AFF2: variants seen among roughly 807,000 people sequenced by gnomAD.
AFF2 encodes the protein ALF transcription elongation factor 2, also known as AF4/FMR2 family member 2.
A neutral mutation model predicts 76.9 loss-of-function variants in AFF2; 14 were observed. That is an observed-to-expected ratio of 0.18 (90% confidence interval 0.12 to 0.28). The LOEUF is 0.28. Among genes scored for constraint, AFF2 ranks in the 10% least tolerant of loss-of-function variants. The pLI is 1.00. For synonymous variants in AFF2, 398 were observed against 366.7 expected (o/e 1.09, Z -0.98); for missense variants, 868 against 1,001.1 (o/e 0.87, Z 1.79).
chrX:148,807,834 G>A (rs1984210673), intron 3 of AFF2, among the ~76,000 whole-genome samples: 1 of 112,483 alleles, frequency 8.9e-6, no homozygotes, highest in African/African-American at 3.2e-5. Context: ...GAACAATGGA[G>A]TGGGATTGTA....
intron 7 of AFF2, among the ~76,000 whole-genome samples, chrX:148,854,949 C>T (rs2070770912): frequency 9.0e-6 from 1 of 111,059 alleles, no homozygotes; most frequent in South Asian, 3.8e-4. Context: ...CTTCTAATGC[C>T]ACACATAGAA....
intron 16 of AFF2, among the ~76,000 whole-genome samples, chrX:148,976,940 A>C (rs1402974411): frequency 8.9e-6 from 1 of 112,690 alleles, no homozygotes; most frequent in Non-Finnish European, 1.9e-5. Flanking sequence ...CAGGAGAGCA[A>C]GGCGGCTAGA....
At chrX:148,609,937 AGG>A (rs782716391) in intron 1 of AFF2, among the ~76,000 whole-genome samples, 1 of 111,782 alleles carries the variant, frequency 8.9e-6, no homozygotes, top group East Asian at 2.9e-4. Flanking sequence ...TCTTGTTCTT[AGG>A]AAGGGAAAGA....
chrX:148,939,065 C>T (rs1296050302), intron 9 of AFF2, among the ~76,000 whole-genome samples: 2 of 110,435 alleles, frequency 1.8e-5, no homozygotes, highest in African/African-American at 3.3e-5. Flanking sequence ...TAGGATACCA[C>T]AAAGAGATGA....
intron 1 of AFF2, among the ~76,000 whole-genome samples, chrX:148,523,261 G>T (rs2052620854): frequency 8.9e-6 from 1 of 111,768 alleles, no homozygotes; most frequent in Non-Finnish European, 1.9e-5. Context: ...TAAATCAATT[G>T]CATGATTTCC....
At chrX:148,642,650 A>G (rs1337871588) in intron 1 of AFF2, among the ~76,000 whole-genome samples, 2 of 112,115 alleles carry the variant, frequency 1.8e-5, no homozygotes, top group African/African-American at 3.2e-5. Flanking sequence ...GCCAGGACAC[A>G]TTGGGACAGG....
chrX:148,601,490 G>A (rs1163798314), intron 1 of AFF2, among the ~76,000 whole-genome samples: 2 of 111,801 alleles, frequency 1.8e-5, no homozygotes, highest in Non-Finnish European at 1.9e-5. Flanking sequence ...CATCCTTTAA[G>A]ATCAGTTTTA....
At chrX:148,620,207 T>C (rs1557251043) in intron 1 of AFF2, among the ~76,000 whole-genome samples, 1 of 111,116 alleles carries the variant, frequency 9.0e-6, no homozygotes, top group Non-Finnish European at 1.9e-5. Flanking sequence ...CTCTCATTGT[T>C]ACTCAGTAGT....
At chrX:148,942,555 G>A (rs782755303) in intron 9 of AFF2, among the ~76,000 whole-genome samples, 10 of 111,193 alleles carry the variant, frequency 9.0e-5, no homozygotes, top group Non-Finnish European at 1.5e-4. Flanking sequence ...GGTAGCTCAC[G>A]CCTGTAGTTC....
At chrX:148,950,878 A>G (rs1286853444) in intron 9 of AFF2, among the ~76,000 whole-genome samples, 1 of 111,651 alleles carries the variant, frequency 9.0e-6, no homozygotes, top group Non-Finnish European at 1.9e-5. Flanking sequence ...AAGTTCTGAG[A>G]ACCAATATTT....
At chrX:148,843,238 GT>G in intron 6 of AFF2, 143 bp from the exon 7 acceptor site, 1 of 517,277 alleles carries the variant, frequency 1.9e-6, no homozygotes. Flanking sequence ...TATCTAACTG[GT>G]TCCCCCCCTT....
chrX:148,528,251 C>T (rs2052687257), intron 1 of AFF2, among the ~76,000 whole-genome samples: 1 of 112,006 alleles, frequency 8.9e-6, no homozygotes, highest in Admixed American at 9.5e-5. Flanking sequence ...TTTGCCCTTA[C>T]AGCTGTACCT....
At chrX:148,782,815 A>G (rs1470907216) in intron 3 of AFF2, among the ~76,000 whole-genome samples, 2 of 111,766 alleles carry the variant, frequency 1.8e-5, no homozygotes, top group Non-Finnish European at 3.8e-5. Flanking sequence ...GTAATGTTTC[A>G]TGAAACTGAA....
chrX:148,977,614 GAC>G (rs140911348), intron 16 of AFF2, among the ~76,000 whole-genome samples: 2,694 of 92,670 alleles, frequency 0.029, 97 homozygotes, highest in African/African-American at 0.098. Flanking sequence ...CCAGCATTTA[GAC>G]ACACACACAC....
At chrX:148,655,023 A>AC (rs1380031455) in intron 2 of AFF2, among the ~76,000 whole-genome samples, 18 of 111,331 alleles carry the variant, frequency 1.6e-4, no homozygotes, top group African/African-American at 5.9e-4. Flanking sequence ...ATGGTCTTGT[A>AC]CCTTTAAGGT....
At chrX:148,733,289 A>G (rs1213142932) in intron 3 of AFF2, among the ~76,000 whole-genome samples, 3 of 111,487 alleles carry the variant, frequency 2.7e-5, no homozygotes, top group Non-Finnish European at 5.6e-5. Flanking sequence ...TATTTGTGAC[A>G]CAACACCCAC....
At chrX:148,740,547 C>G (rs782457107) in intron 3 of AFF2, among the ~76,000 whole-genome samples, 6 of 111,631 alleles carry the variant, frequency 5.4e-5, no homozygotes, top group Non-Finnish European at 1.1e-4. Context: ...ATACTTCTCC[C>G]TTCACTTCTT....
intron 1 of AFF2, among the ~76,000 whole-genome samples, chrX:148,511,646 G>A (rs2052483307): frequency 1.8e-5 from 2 of 112,393 alleles, no homozygotes; most frequent in Non-Finnish European, 3.8e-5. Flanking sequence ...CATTGAACAA[G>A]GACCCTAAAA....
chrX:148,612,501 C>T (rs1275023606), intron 1 of AFF2, among the ~76,000 whole-genome samples: 3 of 112,096 alleles, frequency 2.7e-5, no homozygotes, highest in African/African-American at 9.7e-5. Context: ...TATGCAACCA[C>T]GTTAGCAAAT....
Sources: allele counts gnomAD v4.1 joint callset (sites outside exome capture counted in the v4.1 genomes callset), GRCh38; gene constraint gnomAD v4.1.1; transcripts MANE v1.5; gene names NCBI Gene and HGNC (gene_info 2026-07-23, HGNC 2026-07-21).